The following KEL variants were observed in gnomAD, a reference collection of about 807,000 sequenced individuals.
The protein encoded by KEL is Kell metallo-endopeptidase (Kell blood group).
In KEL, 96 loss-of-function variants were observed where a neutral mutation model predicts 99.5. The observed-to-expected ratio is 0.97, with a 90% CI of 0.82 to 1.14. The LOEUF (loss-of-function observed/expected upper bound fraction) is 1.14, where lower values mean the gene tolerates loss of function less well. Ranked by LOEUF, KEL falls within the 50% of genes most tolerant of loss-of-function variation. KEL has a pLI of 0.00. For missense variants in KEL, 926 were observed against 924.2 expected (o/e 1.00, Z -0.03); for synonymous variants, 355 against 354.8 (o/e 1.00, Z -0.01).
At chr7:142,942,289 AGAG>A in intron 18 of KEL, 142 bp downstream of exon 18, 1 of 663,654 alleles carries the variant, frequency 1.5e-6, no homozygotes, top group East Asian at 2.7e-5. Flanking sequence ...TAGGGAGGGA[AGAG>A]AAAAGATAAC....
chr7:142,958,447 AG>A lies in KEL; in HGVS notation c.401-20del, dbSNP rs776485133. 1 of 1,613,112 alleles carries A rather than the reference AG, an allele frequency of 6.2e-7. No individual in the cohort carries two copies. On this transcript the variant is annotated intron_variant, in intron 4 of 18. Transcript: ENST00000355265. ...TGGACCTCTAGAAAGGAAGCATGGG[AG>A]TGAGGACTAAACTCTGATTTTTTTT...
chr7:142,944,807 C>A, intron 11 of KEL, 66 bp from the exon 12 acceptor site: 1 of 1,264,082 alleles, frequency 7.9e-7, no homozygotes, highest in Non-Finnish European at 1.1e-6. Flanking sequence ...GCCCTGCCCA[C>A]AGCTTCTGAC....
At position 142,943,870 on chromosome 7, in the gene KEL, G is replaced by A. The variant is rs147489746; in HGVS notation, c.1505C>T (p.Ser502Leu). Reference sequence around the variant, plus strand: ...GCTCAGGACAGACTGCAGGAAGCTCGATCCAAGCTGTATCTGGGGAAGAGG... The same window carrying A: ...GCTCAGGACAGACTGCAGGAAGCTCAATCCAAGCTGTATCTGGGGAAGAGG... ...RQEYNDIQLG[S>L]SFLQSVLSCV... Residue 502 changes from serine to leucine, a missense_variant, in exon 14 of 19, where the codon TCG becomes TTG. Transcript: ENST00000355265. 1.4e-5 allele frequency: 23 copies of A among 1,613,846 alleles called. No homozygotes were observed. The highest frequency in any genetic ancestry group is 9.9e-5 in the South Asian group (9 of 91,056).
chr7:142,958,848 G>A (rs1056713370), intron 4 of KEL, among the ~76,000 whole-genome samples: 12 of 152,094 alleles, frequency 7.9e-5, no homozygotes, highest in South Asian at 4.1e-4. Flanking sequence ...TTCGGTCTCC[G>A]CAATCTTTAT....
At chr7:142,941,749 C>T (rs543038176) in intron 18 of KEL, among the ~76,000 whole-genome samples, 3 of 151,070 alleles carry the variant, frequency 2.0e-5, no homozygotes, top group East Asian at 2.0e-4. Context: ...GTCAAGTGGG[C>T]GCCACACCTA....
chr7:142,953,014 C>T (rs962398668), intron 9 of KEL, among the ~76,000 whole-genome samples: 11 of 152,276 alleles, frequency 7.2e-5, no homozygotes, highest in African/African-American at 2.6e-4. Flanking sequence ...CTCTCTCCTC[C>T]ACCAGCAATG....
chr7:142,960,403 G>A (rs1047249865), intron 4 of KEL, among the ~76,000 whole-genome samples: 1 of 152,208 alleles, frequency 6.6e-6, no homozygotes, highest in African/African-American at 2.4e-5. Context: ...GGCATGGTGA[G>A]AGGGAGAGGG....
intron 18 of KEL, 148 bp from the exon 19 acceptor site, chr7:142,941,561 T>C (rs985817496): frequency 1.7e-5 from 12 of 689,484 alleles, no homozygotes; most frequent in Non-Finnish European, 2.6e-5. Context: ...AATGTATAGT[T>C]CATTTAATCT....
chr7:142,955,501 T>C (rs1405246788), intron 6 of KEL, among the ~76,000 whole-genome samples: 1 of 152,220 alleles, frequency 6.6e-6, no homozygotes, highest in African/African-American at 2.4e-5. Context: ...CCATCATGTA[T>C]TGTTGCATTG....
chr7:142,961,716 T>C, intron 2 of KEL, 79 bp downstream of exon 2: 1 of 1,340,088 alleles, frequency 7.5e-7, no homozygotes, highest in Admixed American at 1.7e-5. Context: ...AGACAGTTAG[T>C]AGATGAGTGT....
Position 142,944,681 on chromosome 7 carries a change from A to C in KEL, c.1375T>G (p.Trp459Gly). 6.2e-7 allele frequency: 1 copy of C among 1,614,126 alleles called. No individual in the cohort carries two copies. The highest frequency in any genetic ancestry group is 1.1e-5 in the South Asian group (1 of 91,082). Reference sequence around the variant, plus strand: ...ATGTTCTGGGTCTCCTCATTCATCCAGGGAAGGTTTCTGAGGCGAGTGATG... The same window carrying C: ...ATGTTCTGGGTCTCCTCATTCATCCCGGGAAGGTTTCTGAGGCGAGTGATG... ...ALITRLRNLP[W>G]MNEETQNMAQ... Residue 459 changes from tryptophan (W) to glycine (G), a missense_variant, in exon 12 of 19, where the codon TGG becomes GGG. Transcript: ENST00000355265.
intron 10 of KEL, 25 bp from the exon 11 acceptor site, chr7:142,946,342 T>A (rs1796529453): frequency 1.3e-6 from 2 of 1,556,766 alleles, no homozygotes; most frequent in Non-Finnish European, 8.8e-7. Flanking sequence ...CTGGAATGAG[T>A]GGCTCCTGTT....
chr7:142,947,444 A>C (rs1232366983), intron 10 of KEL, among the ~76,000 whole-genome samples: 2 of 150,052 alleles, frequency 1.3e-5, no homozygotes, highest in Non-Finnish European at 1.5e-5. Context: ...TGAAGAAAAA[A>C]CTCCCGAACC....
intron 13 of KEL, 84 bp downstream of exon 13, chr7:142,944,239 G>T: frequency 8.7e-7 from 1 of 1,150,932 alleles, no homozygotes; most frequent in Non-Finnish European, 1.3e-6. Context: ...AGGGAAAACT[G>T]ATTGTCCAAC....
chr7:142,957,110 G>A (rs1242560883), intron 6 of KEL, among the ~76,000 whole-genome samples: 4 of 152,242 alleles, frequency 2.6e-5, no homozygotes, highest in African/African-American at 4.8e-5. Flanking sequence ...ATGAGGAAAC[G>A]AAAGTAGGGA....
At chr7:142,947,730 C>T (rs991410872) in intron 10 of KEL, among the ~76,000 whole-genome samples, 1 of 152,096 alleles carries the variant, frequency 6.6e-6, no homozygotes, top group African/African-American at 2.4e-5. Context: ...GCCATGTTGG[C>T]CAGGCTGGTC....
Position 142,941,257 on chromosome 7 carries a change from A to G in KEL, c.2194T>C (p.Trp732Arg). The change falls in exon 19 of 19, where the codon TGG becomes CGG. Residue 732 changes from tryptophan (W) to arginine (R), a missense_variant. Transcript: ENST00000355265. ...LLNPSSRCQL[W>R] The stretch of plus-strand genomic sequence containing the variant: ...TGGCATCTTTGGTAACCAAGTTACC[A>G]GAGCTGGCAGCGGCTGGAGGGGTTC... The G allele has an allele frequency of 1.2e-6, 2 of 1,614,166 alleles. No homozygotes were observed. Among genetic ancestry groups the G allele is most frequent in the Non-Finnish European group, 1.7e-6 (2 of 1,180,040 alleles).
chr7:142,954,153 C>A (rs772817119), intron 8 of KEL, 31 bp downstream of exon 8: 1 of 1,598,870 alleles, frequency 6.3e-7, no homozygotes, highest in East Asian at 2.2e-5. Context: ...ATCCCCATGC[C>A]CACAGTCTTC....
At chr7:142,953,565 C>T (rs182757946) in intron 9 of KEL, among the ~76,000 whole-genome samples, 3 of 152,142 alleles carry the variant, frequency 2.0e-5, no homozygotes, top group African/African-American at 2.4e-5. Flanking sequence ...GCTGACCCTG[C>T]GTTCCTCATG....
Sources: allele counts gnomAD v4.1 joint callset (sites outside exome capture counted in the v4.1 genomes callset), GRCh38; gene constraint gnomAD v4.1.1; transcripts MANE v1.5; gene names NCBI Gene and HGNC (gene_info 2026-07-23, HGNC 2026-07-21).